ATP10A: variants seen among roughly 807,000 people sequenced by gnomAD.
ATP10A encodes the protein ATPase phospholipid transporting 10A (putative).
Under a neutral mutation model 147.8 loss-of-function variants are expected in ATP10A, and 111 were observed. The ratio of observed to expected loss-of-function variants is 0.75; its 90% CI spans 0.64 to 0.88. ATP10A has a LOEUF of 0.88. ATP10A is among the 40% of genes least tolerant of loss of function. The pLI is 0.00. For missense variants in ATP10A, 1,927 were observed against 1,959.0 expected, an observed-to-expected ratio of 0.98 and a Z score of 0.31; for synonymous variants, 875 against 841.6, an observed-to-expected ratio of 1.04 and a Z score of -0.69.
At chr15:25,784,921 CAAA>C (rs397972229) in intron 1 of ATP10A, among the ~76,000 whole-genome samples, 7 of 106,606 alleles carry the variant, frequency 6.6e-5, no homozygotes, top group Non-Finnish European at 6.1e-5. Context: ...GACCCCGTGT[CAAA>C]AAAAAAAAAA....
At chr15:25,796,380 G>A (rs1454683766) in intron 1 of ATP10A, among the ~76,000 whole-genome samples, 1 of 143,706 alleles carries the variant, frequency 7.0e-6, no homozygotes, top group Non-Finnish European at 1.5e-5. Flanking sequence ...ACTTCAGCCT[G>A]AACAAAAGAG....
At chr15:25,853,979 A>T (rs1353033412) in intron 1 of ATP10A, among the ~76,000 whole-genome samples, 3 of 152,106 alleles carry the variant, frequency 2.0e-5, no homozygotes, top group Non-Finnish European at 1.5e-5. Context: ...CTCAGGAGAC[A>T]ACTTGATTGG....
In ATP10A at chr15:25,755,754, T is replaced by A. The variant is rs188921847; in HGVS notation, c.655-19613A>T. On this transcript the variant is annotated intron_variant, in intron 2 of 20. Transcript: ENST00000555815. ...GCTTTGCCCATTCATTAGTAGCCTC[T>A]ACCCCCTAAGTCAATAATCTAATGA... Among the ~76,000 whole-genome samples, 355 of 152,282 alleles carry A rather than the reference T, an allele frequency of 2.3e-3. 2 individuals are homozygous for A. The highest frequency in any genetic ancestry group is 0.01 in the Middle Eastern group (3 of 294).
At chr15:25,854,262 G>T (rs1210736592) in intron 1 of ATP10A, among the ~76,000 whole-genome samples, 3 of 152,096 alleles carry the variant, frequency 2.0e-5, no homozygotes, top group Non-Finnish European at 4.4e-5. Context: ...AAAAGCCACA[G>T]CCTGGAACAG....
chr15:25,858,991 A>T (rs1476637319), intron 1 of ATP10A, among the ~76,000 whole-genome samples: 1 of 152,018 alleles, frequency 6.6e-6, no homozygotes, highest in Non-Finnish European at 1.5e-5. Flanking sequence ...GGCACACTCC[A>T]TTTCTGGGAG....
At chr15:25,826,927 T>A (rs1295306628) in intron 1 of ATP10A, among the ~76,000 whole-genome samples, 1 of 152,172 alleles carries the variant, frequency 6.6e-6, no homozygotes, top group African/African-American at 2.4e-5. Flanking sequence ...TCAAAAGAGA[T>A]CTAAACTTAT....
chr15:25,737,419 CTGTT>C (rs1194550647), intron 2 of ATP10A, among the ~76,000 whole-genome samples: 2 of 152,196 alleles, frequency 1.3e-5, no homozygotes. Context: ...TATTTTGTCT[CTGTT>C]TATTATTCTT....
At chr15:25,698,456 A>G (rs1044635528) in intron 13 of ATP10A, among the ~76,000 whole-genome samples, 2 of 152,136 alleles carry the variant, frequency 1.3e-5, no homozygotes, top group African/African-American at 4.8e-5. Flanking sequence ...AGCTTACTTT[A>G]TTGTAAGAAT....
At chr15:25,688,433 T>C (rs575138735) in intron 15 of ATP10A, among the ~76,000 whole-genome samples, 3 of 152,256 alleles carry the variant, frequency 2.0e-5, no homozygotes, top group African/African-American at 7.2e-5. Flanking sequence ...GTTTCCTCCA[T>C]GGACAGGCAG....
intron 1 of ATP10A, among the ~76,000 whole-genome samples, chr15:25,789,784 T>A (rs748620222): frequency 1.3e-5 from 2 of 152,134 alleles, no homozygotes; most frequent in Non-Finnish European, 2.9e-5. Flanking sequence ...ATATCCTTGA[T>A]GGTGGACAGC....
chr15:25,704,257 G>T (rs74513580), intron 12 of ATP10A, among the ~76,000 whole-genome samples: 6,231 of 151,726 alleles, frequency 0.041, 170 homozygotes, highest in East Asian at 0.15. Flanking sequence ...TAGTAATAAT[G>T]ATTATAGAGT....
At chr15:25,705,390 C>G (rs1008487478) in intron 12 of ATP10A, among the ~76,000 whole-genome samples, 1 of 148,176 alleles carries the variant, frequency 6.7e-6, no homozygotes, top group African/African-American at 2.5e-5. Context: ...GTGCTGTGAT[C>G]GCACCATTGC....
At chr15:25,792,399 T>C (rs1890468967) in intron 1 of ATP10A, among the ~76,000 whole-genome samples, 1 of 152,146 alleles carries the variant, frequency 6.6e-6, no homozygotes, top group Admixed American at 6.5e-5. Context: ...GCCCTCCCCC[T>C]GCCCCAGCCA....
chr15:25,679,624 G>A lies in ATP10A; in HGVS notation c.4217C>T (p.Pro1406Leu). Residue 1406 changes from proline to leucine, a missense_variant, in exon 21 of 21, where the codon CCA becomes CTA. Physicochemically the swap from Pro to Leu is moderately conservative, Grantham distance 98. Coordinates refer to ENST00000555815, the MANE Select transcript of ATP10A (RefSeq NM_024490.4). ...SAPGEAVLRS[P>L]GGCPEESKVR... ...CTTGGACTCCTCAGGACACCCTCCT[G>A]GACTCCTCAGGACAGCCTCCCCTGG... 1.2e-6 allele frequency: 2 copies of A among 1,613,094 alleles called. No individual in the cohort carries two copies. Among genetic ancestry groups the A allele is most frequent in the Non-Finnish European group, 1.7e-6 (2 of 1,179,786 alleles).
At chr15:25,756,325 G>A (rs1888405789) in intron 2 of ATP10A, among the ~76,000 whole-genome samples, 1 of 152,308 alleles carries the variant, frequency 6.6e-6, no homozygotes, top group Admixed American at 6.5e-5. Context: ...AAATATATGA[G>A]AGCTCGGATT....
intron 8 of ATP10A, 151 bp from the exon 9 acceptor site, chr15:25,717,075 A>T (rs779346997): frequency 1.5e-5 from 8 of 535,120 alleles, no homozygotes; most frequent in Non-Finnish European, 2.3e-5. Context: ...ATTGTAAATT[A>T]CTTACAATTT....
intron 2 of ATP10A, among the ~76,000 whole-genome samples, chr15:25,758,655 A>C: frequency 9.7e-6 from 1 of 102,572 alleles, no homozygotes; most frequent in African/African-American, 4.8e-5. Context: ...ACTCATTCCG[A>C]CCACCTGCTC....
At chr15:25,830,075 G>A (rs1021536159) in intron 1 of ATP10A, among the ~76,000 whole-genome samples, 2 of 152,140 alleles carry the variant, frequency 1.3e-5, no homozygotes, top group African/African-American at 4.8e-5. Flanking sequence ...CAGGCGGGGA[G>A]AAGTGCGGTG....
At chr15:25,847,509 C>G (rs1893074576) in intron 1 of ATP10A, among the ~76,000 whole-genome samples, 1 of 150,806 alleles carries the variant, frequency 6.6e-6, no homozygotes, top group African/African-American at 2.4e-5. Context: ...CACCTTTTTT[C>G]CACCGTATCA....
Sources: gnomAD v4.1 joint callset for allele counts (sites outside exome capture counted in the v4.1 genomes callset) on GRCh38, gnomAD v4.1.1 for gene constraint, MANE v1.5 for transcripts, NCBI Gene and HGNC (gene_info 2026-07-23, HGNC 2026-07-21) for gene names.